The following TCAIM variants were observed in gnomAD, a reference collection of about 807,000 sequenced individuals.
The protein encoded by TCAIM is T-cell activation inhibitor, mitochondrial.
A neutral mutation model predicts 58.6 loss-of-function variants in TCAIM; 36 were observed. The ratio of observed to expected loss-of-function variants is 0.61; its 90% CI spans 0.47 to 0.81. The LOEUF (loss-of-function observed/expected upper bound fraction) is 0.81, where lower values mean the gene tolerates loss of function less well. TCAIM is among the 30% of genes least tolerant of loss of function. TCAIM has a pLI of 0.00. For missense variants in TCAIM, 466 were observed against 579.6 expected (o/e 0.80, Z 2.01); for synonymous variants, 172 against 193.6 (o/e 0.89, Z 0.93).
At chr3:44,351,178 A>G (rs1701080823) in intron 1 of TCAIM, among the ~76,000 whole-genome samples, 1 of 152,124 alleles carries the variant, frequency 6.6e-6, no homozygotes, top group Non-Finnish European at 1.5e-5. Flanking sequence ...GGGCAGAGAC[A>G]GGGTTTCTCC....
At chr3:44,383,136 G>A (rs1251430098) in intron 5 of TCAIM, among the ~76,000 whole-genome samples, 1 of 152,204 alleles carries the variant, frequency 6.6e-6, no homozygotes, top group Non-Finnish European at 1.5e-5. Context: ...TGCACTGTTG[G>A]TGGAAATGTG....
At chr3:44,394,921 A>AATATATATATAT (rs869077768) in intron 6 of TCAIM, among the ~76,000 whole-genome samples, 6 of 48,482 alleles carry the variant, frequency 1.2e-4, no homozygotes, top group Non-Finnish European at 1.7e-4. Context: ...AAAAAAAAAA[A>AATATATATATAT]ATATATATAT....
At chr3:44,380,489 A>C (rs1701639063) in intron 5 of TCAIM, among the ~76,000 whole-genome samples, 5 of 152,186 alleles carry the variant, frequency 3.3e-5, no homozygotes, top group Admixed American at 2.6e-4. Context: ...CAGCAAATTC[A>C]GTGAAGCAAT....
intron 1 of TCAIM, among the ~76,000 whole-genome samples, chr3:44,348,888 G>A (rs1457429655): frequency 6.6e-6 from 1 of 152,140 alleles, no homozygotes; most frequent in East Asian, 1.9e-4. Flanking sequence ...GAAAAAAGGA[G>A]CATTAACCTT....
chr3:44,400,760 G>A (rs974833407), intron 9 of TCAIM, 173 bp downstream of exon 9: 4 of 618,736 alleles, frequency 6.5e-6, no homozygotes, highest in Non-Finnish European at 1.1e-5. Flanking sequence ...CAGCATGGGA[G>A]GATTGAAGGA....
intron 10 of TCAIM, among the ~76,000 whole-genome samples, chr3:44,406,576 T>A (rs1188248907): frequency 6.6e-6 from 1 of 152,260 alleles, no homozygotes; most frequent in South Asian, 2.1e-4. Context: ...TATGACCATT[T>A]CTGTTTTTTA....
At chr3:44,358,922 T>G (rs947736653) in intron 3 of TCAIM, 13 of 985,384 alleles carry the variant, frequency 1.3e-5, no homozygotes, top group Non-Finnish European at 1.4e-5. Flanking sequence ...ATATGTGATA[T>G]GTTGGCTACT....
intron 2 of TCAIM, among the ~76,000 whole-genome samples, chr3:44,356,204 T>C (rs1430361397): frequency 6.6e-6 from 1 of 152,190 alleles, no homozygotes; most frequent in South Asian, 2.1e-4. Flanking sequence ...AACAAAAGCA[T>C]GTGCAATGTT....
chr3:44,395,797 C>G (rs1701924032), intron 6 of TCAIM, among the ~76,000 whole-genome samples: 1 of 152,214 alleles, frequency 6.6e-6, no homozygotes, highest in Non-Finnish European at 1.5e-5. Flanking sequence ...CCAGCCTAAG[C>G]AACATGGTGA....
intron 10 of TCAIM, among the ~76,000 whole-genome samples, chr3:44,407,100 G>A (rs1488224454): frequency 6.6e-6 from 1 of 152,090 alleles, no homozygotes. Context: ...TAAAACTAGG[G>A]GTTTTATATT....
intron 3 of TCAIM, among the ~76,000 whole-genome samples, chr3:44,360,155 T>C (rs1456186968): frequency 6.6e-6 from 1 of 152,106 alleles, no homozygotes. Context: ...TAGCATTCCG[T>C]CCCCTCTTTA....
chr3:44,353,975 A>T (rs1313818620), intron 1 of TCAIM, among the ~76,000 whole-genome samples: 1 of 152,190 alleles, frequency 6.6e-6, no homozygotes, highest in East Asian at 1.9e-4. Context: ...CTTTGTTGTT[A>T]TAACTAAATA....
At chr3:44,398,672 A>G (rs2125655567) in intron 8 of TCAIM, among the ~76,000 whole-genome samples, 1 of 152,384 alleles carries the variant, frequency 6.6e-6, no homozygotes, top group Admixed American at 6.5e-5. Flanking sequence ...AACATGACCC[A>G]GCAGTCACCC....
rs989264145 is a variant in TCAIM, at chr3:44,367,345, A to T, written c.320-111A>T. On this transcript the variant is annotated intron_variant, in intron 4 of 10. Coordinates refer to ENST00000342649, the MANE Select transcript of TCAIM (RefSeq NM_173826.4). ...TTCCATTTACAGGTGATTTGCTAAT[A>T]GGACGAATTTAAATCAGTAATAGAA... 8 of 1,280,262 alleles carry T rather than the reference A, an allele frequency of 6.2e-6. No homozygotes were observed. The Admixed American group carries it at 1.9e-4, about 30-fold the overall frequency. The allele number at this position is 1,280,262 out of a possible 1,614,324, so 79.3% of individuals were successfully genotyped here.
At chr3:44,395,857 C>G (rs1267490227) in intron 6 of TCAIM, among the ~76,000 whole-genome samples, 1 of 152,180 alleles carries the variant, frequency 6.6e-6, no homozygotes, top group Non-Finnish European at 1.5e-5. Flanking sequence ...CATGGTGGCA[C>G]ATGCCTTTAG....
chr3:44,389,775 C>T (rs190216477), intron 5 of TCAIM, among the ~76,000 whole-genome samples: 35 of 152,096 alleles, frequency 2.3e-4, no homozygotes, highest in Admixed American at 2.0e-4. Context: ...ACACTTTCAC[C>T]TAGAGGATAA....
intron 5 of TCAIM, among the ~76,000 whole-genome samples, chr3:44,383,773 G>A (rs1250148566): frequency 8.8e-6 from 1 of 113,690 alleles, no homozygotes; most frequent in East Asian, 2.8e-4. Flanking sequence ...AAGAGTTCAA[G>A]ATCAGCATGG....
Position 44,345,103 on chromosome 3 carries a change from A to G in TCAIM, c.-45+6269A>G, listed in dbSNP as rs189030599. On this transcript the variant is annotated intron_variant, in intron 1 of 10. Transcript: ENST00000342649. ...GGCCCTGAAAATTTTTGGGGGTGGT[A>G]TGGAAAGATAATGGGCGACGTTTCT... is the stretch of plus-strand genomic sequence containing the variant. Among the ~76,000 whole-genome samples the G allele has an allele frequency of 3.8e-3, 572 of 152,220 alleles. 5 individuals are homozygous for G. The highest frequency in any genetic ancestry group is 0.01 in the Admixed American group (157 of 15,290).
At chr3:44,406,116 A>G (rs1270353747) in intron 10 of TCAIM, among the ~76,000 whole-genome samples, 1 of 152,152 alleles carries the variant, frequency 6.6e-6, no homozygotes, top group Non-Finnish European at 1.5e-5. Context: ...AGAAGAACTG[A>G]TGGGTTCTCC....
Sources: gnomAD v4.1 joint callset for allele counts (sites outside exome capture counted in the v4.1 genomes callset) on GRCh38, gnomAD v4.1.1 for gene constraint, MANE v1.5 for transcripts, NCBI Gene and HGNC (gene_info 2026-07-23, HGNC 2026-07-21) for gene names.